The following ZNF608 variants were observed in gnomAD, a reference collection of about 807,000 sequenced individuals.
ZNF608 encodes renal carcinoma antigen NY-REN-36.
In ZNF608, 12 loss-of-function variants were observed where a neutral mutation model predicts 109.0. The ratio of observed to expected loss-of-function variants is 0.11; its 90% CI spans 0.07 to 0.18. The LOEUF is 0.18. Among genes scored for constraint, ZNF608 ranks in the 10% least tolerant of loss-of-function variants. The probability of loss-of-function intolerance (pLI) is 1.00; values close to 1 mark genes in which losing one functional copy is unlikely to be tolerated. For synonymous variants in ZNF608, 732 were observed against 717.4 expected, an observed-to-expected ratio of 1.02 and a Z score of -0.33; for missense variants, 1,707 against 1,879.3, an observed-to-expected ratio of 0.91 and a Z score of 1.70.
upstream of ZNF608, among the ~76,000 whole-genome samples, chr5:124,747,802 G>A (rs964626032): frequency 2.6e-4 from 39 of 152,262 alleles, no homozygotes; most frequent in Non-Finnish European, 4.7e-4. Context: ...TCTCCAATTT[G>A]TCGGCTTTCC....
intron 3 of ZNF608, among the ~76,000 whole-genome samples, chr5:124,692,229 T>C (rs1213551528): frequency 6.6e-6 from 1 of 152,252 alleles, no homozygotes; most frequent in Non-Finnish European, 1.5e-5. Context: ...TAGATTTCTC[T>C]ATTTTCAATT....
chr5:124,703,163 T>C (rs1753123340), intron 2 of ZNF608, among the ~76,000 whole-genome samples: 1 of 152,048 alleles, frequency 6.6e-6, no homozygotes, highest in Non-Finnish European at 1.5e-5. Flanking sequence ...CGATGTCACA[T>C]GTATAAATTG....
At chr5:124,733,142 C>G (rs376325729) in intron 2 of ZNF608, among the ~76,000 whole-genome samples, 1 of 151,714 alleles carries the variant, frequency 6.6e-6, no homozygotes, top group Admixed American at 6.6e-5. Context: ...TAGGATTTGG[C>G]GACCAAGTAA....
At chr5:124,643,411 C>G (rs1580521516) in intron 7 of ZNF608, 100 bp downstream of exon 7, 1 of 1,145,328 alleles carries the variant, frequency 8.7e-7, no homozygotes, top group African/African-American at 1.5e-5. Context: ...GAAATCACAG[C>G]TGGGTTCCGA....
chr5:124,726,400 A>G (rs1032561919), intron 2 of ZNF608, among the ~76,000 whole-genome samples: 4 of 152,102 alleles, frequency 2.6e-5, no homozygotes, highest in Middle Eastern at 3.2e-3. Context: ...AAAATGAGTC[A>G]CAACTCTTGA....
rs146167755 is a variant in ZNF608, at chr5:124,705,465, C to T, written c.907-4196G>A. 5.5e-3 allele frequency among the ~76,000 whole-genome samples: 834 copies of T among 152,240 alleles called. 13 individuals carry two copies. Among genetic ancestry groups the T allele is most frequent in the African/African-American group, 0.019 (800 of 41,538 alleles). ...TGCAGTGAAGACTCAGTGAGATAATCCGTGCAAAGTGAATGCTCAGCATAG... is the reference window on the plus strand; with the variant it reads ...TGCAGTGAAGACTCAGTGAGATAATTCGTGCAAAGTGAATGCTCAGCATAG... On this transcript the variant is annotated intron_variant, in intron 2 of 9. Coordinates refer to ENST00000513986, the MANE Select transcript of ZNF608 (RefSeq NM_020747.3).
Position 124,644,466 on chromosome 5 carries a change from G to T in ZNF608, c.3901C>A (p.Pro1301Thr). ...CTCTCCTCCATTGATTGAGAATCAG[G>T]ATGCTTGGCCTCTTTGGGCTCCTCT... is the stretch of plus-strand genomic sequence containing the variant. ...IKEEPKEAKHPDSQSMEESKL... is the reference protein window; with the variant it reads ...IKEEPKEAKHTDSQSMEESKL... Residue 1301 changes from proline (P) to threonine (T), a missense_variant, in exon 6 of 10, where the codon CCT becomes ACT. Physicochemically the swap from Pro to Thr is conservative, Grantham distance 38 (BLOSUM62 -1). This residue lies in a region of ZNF608 where 1,073 missense variants were observed against 1,133.5 expected (regional missense o/e 0.95). Transcript: ENST00000513986. 6.2e-7 allele frequency: 1 copy of T among 1,614,110 alleles called. No homozygotes were observed.
rs554839929 is a variant in ZNF608, at chr5:124,728,269, A to G, written c.906+15815T>C. ...AAAATCACCTTAAGGGTCATTCAAT[A>G]GGTTGGTATTGGAGGGCAAAGCTCT... is the stretch of plus-strand genomic sequence containing the variant. On this transcript the variant is annotated intron_variant, in intron 2 of 9. Coordinates refer to ENST00000513986, the MANE Select transcript of ZNF608 (RefSeq NM_020747.3). 1.2e-3 allele frequency among the ~76,000 whole-genome samples: 177 copies of G among 152,286 alleles called. 1 individual carries two copies. The highest frequency in any genetic ancestry group is 3.9e-3 in the African/African-American group (164 of 41,550).
rs192163267 is a variant in ZNF608, at chr5:124,720,496, G to A, written c.907-19227C>T. On this transcript the variant is annotated intron_variant, in intron 2 of 9. Transcript: ENST00000513986. ...TATAGCTATCTAACACAGCAACACC[G>A]GAATTCATTCAGGTGAAACAGACTT... Among the ~76,000 whole-genome samples the A allele has an allele frequency of 1.5e-3, 228 of 152,154 alleles. 3 individuals are homozygous for A. The highest frequency in any genetic ancestry group is 0.013 in the Admixed American group (196 of 15,280).
chr5:124,687,521 T>C (rs1000384078), intron 3 of ZNF608, among the ~76,000 whole-genome samples: 10 of 152,322 alleles, frequency 6.6e-5, no homozygotes, highest in African/African-American at 2.4e-4. Flanking sequence ...CAATTTACTA[T>C]TCAATTCCAA....
intron 3 of ZNF608, among the ~76,000 whole-genome samples, chr5:124,654,347 A>G (rs1194656802): frequency 6.6e-6 from 1 of 152,114 alleles, no homozygotes; most frequent in African/African-American, 2.4e-5. Flanking sequence ...TCTCCAGCCT[A>G]GACAAGTTTC....
chr5:124,643,035 T>C (rs886359357), intron 7 of ZNF608, among the ~76,000 whole-genome samples: 27 of 152,132 alleles, frequency 1.8e-4, no homozygotes, highest in African/African-American at 5.6e-4. Flanking sequence ...TGATCTGAAC[T>C]TGCATGTAAA....
chr5:124,648,540 C>T lies in ZNF608; in HGVS notation c.1844G>A (p.Ser615Asn), dbSNP rs571206018. 14 of 1,614,234 alleles carry T rather than the reference C, an allele frequency of 8.7e-6. No homozygotes were observed. The highest frequency in any genetic ancestry group is 7.7e-5 in the South Asian group (7 of 91,088). ...CTTCAACTGGTCATAAGCAGATACA[C>T]TTGTGCTTGGCTCACTGCATTCAAG... ...VALECSEPST[S>N]VSAYDQLKAP... Residue 615 changes from serine to asparagine, a missense_variant, in exon 5 of 10, where the codon AGT becomes AAT. By Grantham distance (46) the Ser-to-Asn change is conservative. Transcript: ENST00000513986.
At chr5:124,688,076 T>G (rs566294632) in intron 3 of ZNF608, among the ~76,000 whole-genome samples, 22 of 152,294 alleles carry the variant, frequency 1.4e-4, no homozygotes, top group Admixed American at 7.8e-4. Flanking sequence ...GAAAAATGTT[T>G]GCAGAGACAG....
intron 2 of ZNF608, among the ~76,000 whole-genome samples, chr5:124,729,279 G>A (rs1424383434): frequency 2.0e-5 from 3 of 152,210 alleles, no homozygotes; most frequent in African/African-American, 7.2e-5. Flanking sequence ...CACAGCTGCA[G>A]TTTGGGAAGA....
rs763052394 is a variant in ZNF608, at chr5:124,657,251, C to T, written c.1163-7554G>A. Among the ~76,000 whole-genome samples the T allele has an allele frequency of 5.9e-5, 9 of 152,108 alleles. 1 individual carries two copies. Among genetic ancestry groups the T allele is most frequent in the South Asian group, 4.1e-4 (2 of 4,820 alleles). ...ACTAAGATGCTGTCCCATATGTTCA[C>T]GTGGGAGGCTGCACCGCACATATAG... On this transcript the variant is annotated intron_variant, in intron 3 of 9. Transcript: ENST00000513986.
chr5:124,746,868 A>C, upstream of ZNF608: 1 of 796,658 alleles, frequency 1.3e-6, no homozygotes, highest in African/African-American at 1.9e-5. Context: ...GAGGAGAAAA[A>C]GAAAGGTGTG....
At chr5:124,721,137 C>G (rs1291930490) in intron 2 of ZNF608, among the ~76,000 whole-genome samples, 1 of 152,120 alleles carries the variant, frequency 6.6e-6, no homozygotes, top group African/African-American at 2.4e-5. Context: ...CTCTACCAAA[C>G]TGGGGAAACC....
In ZNF608 at chr5:124,648,995, C is replaced by T. The variant is rs746975109; in HGVS notation, c.1389G>A (p.Gly463=). 6.2e-7 allele frequency: 1 copy of T among 1,614,058 alleles called. No individual in the cohort carries two copies. Among genetic ancestry groups the T allele is most frequent in the Non-Finnish European group, 8.5e-7 (1 of 1,180,042 alleles). The change falls in exon 5 of 10, where the codon GGG becomes GGA. Residue 463 remains glycine (G), a synonymous_variant. Transcript: ENST00000513986. ...CCCGCCTCCCTTTCCCATTGGCCCC[C>T]CCTCTGTTCTTATTCTGCAGCCCTC... ...ESRGLQNKNR[G]GANGKGRRGS... is the part of the protein sequence containing the mutation.
Sources: allele counts gnomAD v4.1 joint callset (sites outside exome capture counted in the v4.1 genomes callset), GRCh38; gene constraint gnomAD v4.1.1; regional missense constraint gnomAD v4.1.1; transcripts MANE v1.5; gene names NCBI Gene and HGNC (gene_info 2026-07-23, HGNC 2026-07-21).